IFT80: variants seen among roughly 807,000 people sequenced by gnomAD.
The protein encoded by IFT80 is intraflagellar transport protein 80 homolog.
A neutral mutation model predicts 107.9 loss-of-function variants in IFT80; 79 were observed. That is an observed-to-expected ratio of 0.73 (90% confidence interval 0.61 to 0.88). The LOEUF is 0.88. Ranked by LOEUF, IFT80 falls within the 40% of genes least tolerant of loss-of-function variation. The pLI is 0.00. For synonymous variants in IFT80, 299 were observed against 300.9 expected, an observed-to-expected ratio of 0.99 and a Z score of 0.07; for missense variants, 797 against 914.2, an observed-to-expected ratio of 0.87 and a Z score of 1.65.
At chr3:160,381,473 G>C in intron 3 of IFT80, 30 bp downstream of exon 3, 1 of 1,478,712 alleles carries the variant, frequency 6.8e-7, no homozygotes, top group Non-Finnish European at 9.5e-7. Context: ...AAATACAATG[G>C]CGAGCATATA....
At chr3:160,324,654 C>T (rs1338796457) in intron 8 of IFT80, among the ~76,000 whole-genome samples, 1 of 152,040 alleles carries the variant, frequency 6.6e-6, no homozygotes, top group Non-Finnish European at 1.5e-5. Flanking sequence ...CTATCTATGA[C>T]AAACCCACAG....
chr3:160,355,249 G>GTTAT (rs143392426), intron 8 of IFT80, among the ~76,000 whole-genome samples: 11,800 of 151,982 alleles, frequency 0.078, 649 homozygotes, highest in Non-Finnish European at 0.12. Flanking sequence ...ATGCCCTTTG[G>GTTAT]TTATTTATTT....
rs1314555781 is a variant in IFT80, at chr3:160,312,620, A to AAT, written c.958-4841_958-4840dup. On this transcript the variant is annotated intron_variant, in intron 9 of 19. Coordinates refer to ENST00000326448, the MANE Select transcript of IFT80 (RefSeq NM_020800.3). ...AAATATATATTATATATAAATATATAATATATATATATAATAAATATATAT... is the reference window on the plus strand; with the variant it reads ...AAATATATATTATATATAAATATATAATATATATATATATAATAAATATATAT... Among the ~76,000 whole-genome samples, 352 of 59,178 alleles carry AAT rather than the reference A, an allele frequency of 5.9e-3. 7 individuals carry two copies. The highest frequency in any genetic ancestry group is 8.0e-3 in the Non-Finnish European group (262 of 32,814). The allele number at this position is 59,178 out of a possible 152,430, so 38.8% of individuals were successfully genotyped here.
intron 19 of IFT80, among the ~76,000 whole-genome samples, chr3:160,266,204 T>C (rs192209357): frequency 1.3e-5 from 2 of 152,096 alleles, no homozygotes; most frequent in East Asian, 1.9e-4. Context: ...CATGTTGTTC[T>C]GGTACTCTTA....
chr3:160,302,377 A>C (rs745631443), intron 11 of IFT80, among the ~76,000 whole-genome samples: 2 of 152,054 alleles, frequency 1.3e-5, no homozygotes, highest in Non-Finnish European at 2.9e-5. Flanking sequence ...ATGGTCATAC[A>C]TATTGGTTTA....
chr3:160,289,537 G>A (rs531296643), intron 12 of IFT80, among the ~76,000 whole-genome samples: 1 of 152,096 alleles, frequency 6.6e-6, no homozygotes, highest in Non-Finnish European at 1.5e-5. Flanking sequence ...AAAGAGAAAG[G>A]GGAGAGTCAA....
At position 160,301,653 on chromosome 3, in the gene IFT80, A is replaced by G. The variant is rs143974801; in HGVS notation, c.1152-607T>C. Among the ~76,000 whole-genome samples the G allele has an allele frequency of 7.6e-3, 1,158 of 152,054 alleles. 20 individuals carry two copies. The highest frequency in any genetic ancestry group is 0.027 in the African/African-American group (1,109 of 41,548). On this transcript the variant is annotated intron_variant, in intron 11 of 19. Coordinates refer to ENST00000326448, the MANE Select transcript of IFT80 (RefSeq NM_020800.3). ...ATTTTTTTGCCACAGGGTCAGATTC[A>G]TCTGCTATGCTGACAACCATATTTA...
In IFT80 at chr3:160,357,514, G is replaced by C; in HGVS notation, c.614C>G (p.Ser205Cys). The C allele has an allele frequency of 6.3e-7, 1 of 1,580,710 alleles. No homozygotes were observed. The highest frequency in any genetic ancestry group is 8.7e-7 in the Non-Finnish European group (1 of 1,150,276). The change falls in exon 7 of 20, where the codon TCT (serine) becomes TGT (cysteine). Residue 205 changes from serine to cysteine, a missense_variant. Ser to Cys is a moderately radical substitution (Grantham distance 112). Coordinates refer to ENST00000326448, the MANE Select transcript of IFT80 (RefSeq NM_020800.3). Reference sequence around the variant, plus strand: ...CTTATATTTACAGTCTTCACCAGCAGATAAAATAAGATCATTGACCGAGTT... The same window carrying C: ...CTTATATTTACAGTCTTCACCAGCACATAAAATAAGATCATTGACCGAGTT... ...DWNSVNDLIL[S>C]AGEDCKYKVW...
intron 9 of IFT80, among the ~76,000 whole-genome samples, chr3:160,319,504 A>AT (rs1718050959): frequency 6.6e-6 from 1 of 151,992 alleles, no homozygotes; most frequent in South Asian, 2.1e-4. Context: ...CTGAATCCAC[A>AT]TATTTCCTCC....
intron 18 of IFT80, among the ~76,000 whole-genome samples, chr3:160,276,522 C>G (rs1341962283): frequency 6.6e-6 from 1 of 152,118 alleles, no homozygotes; most frequent in Non-Finnish European, 1.5e-5. Flanking sequence ...TATGTCAATT[C>G]CACAACAAAC....
intron 18 of IFT80, among the ~76,000 whole-genome samples, chr3:160,270,986 A>G (rs1713761811): frequency 6.6e-6 from 1 of 152,196 alleles, no homozygotes; most frequent in Non-Finnish European, 1.5e-5. Context: ...ATGAAACATC[A>G]ATACATTTAA....
intron 2 of IFT80, 173 bp downstream of exon 2, chr3:160,384,391 T>A: frequency 7.9e-7 from 1 of 1,272,482 alleles, no homozygotes; most frequent in Non-Finnish European, 1.0e-6. Flanking sequence ...CGGTTCACTT[T>A]GGAGAATTAC....
intron 6 of IFT80, among the ~76,000 whole-genome samples, chr3:160,358,386 T>C (rs143026840): frequency 1.6e-4 from 24 of 152,214 alleles, no homozygotes; most frequent in Non-Finnish European, 3.4e-4. Context: ...CTGTTCGTCA[T>C]ATTCTTCTAA....
At chr3:160,389,836 G>A (rs1000749891) in intron 1 of IFT80, among the ~76,000 whole-genome samples, 6 of 152,048 alleles carry the variant, frequency 3.9e-5, no homozygotes, top group Non-Finnish European at 8.8e-5. Flanking sequence ...AGTCCTTTGG[G>A]TATATACCCA....
intron 6 of IFT80, among the ~76,000 whole-genome samples, chr3:160,357,995 C>CTTAT (rs142057545): frequency 6.6e-6 from 1 of 152,028 alleles, no homozygotes; most frequent in Admixed American, 6.6e-5. Context: ...TGCTTGTTTA[C>CTTAT]TTATTTATTT....
intron 8 of IFT80, among the ~76,000 whole-genome samples, chr3:160,336,591 ATGTG>A (rs111936021): frequency 6.7e-6 from 1 of 149,448 alleles, no homozygotes. Flanking sequence ...ACATGTGTGT[ATGTG>A]TGTGTGTGTG....
At position 160,396,696 on chromosome 3, in the gene IFT80, TC is replaced by T. The variant is rs1713804051; in HGVS notation, c.-47+2449del. Among the ~76,000 whole-genome samples, 3 of 152,194 alleles carry T rather than the reference TC, an allele frequency of 2.0e-5. No homozygotes were observed. The South Asian group carries it at 6.2e-4, about 31-fold the overall frequency. On this transcript the variant is annotated intron_variant, in intron 1 of 19. Transcript: ENST00000326448. ...ATAAGACCCAGTTATAGCAATACTT[TC>T]CAAAATGACTGTAACCCAGTCTTTT...
chr3:160,317,611 T>C (rs907808301), intron 9 of IFT80, among the ~76,000 whole-genome samples: 2 of 152,140 alleles, frequency 1.3e-5, no homozygotes, highest in African/African-American at 2.4e-5. Flanking sequence ...ATATACAGAA[T>C]ATTATAATGG....
rs545413654 is a variant in IFT80, at chr3:160,397,716, CTTTTTTTTT to C, written c.-47+1421_-47+1429del. Among the ~76,000 whole-genome samples the C allele has an allele frequency of 4.1e-5, 4 of 96,580 alleles. No individual in the cohort carries two copies. The East Asian group carries it at 7.9e-4, about 19-fold the overall frequency. The allele number at this position is 96,580 out of a possible 152,430, so 63.4% of individuals were successfully genotyped here. A position where few individuals can be genotyped will look rare whatever the true frequency, so the allele number is the denominator to read the frequency against. ...AATACACCACTCAATTTGGTCTATA[CTTTTTTTTT>C]TTTTTTTTTTTTTGAGACGCAGTTT... On this transcript the variant is annotated intron_variant, in intron 1 of 19. Transcript: ENST00000326448.
Sources: gnomAD v4.1 joint callset for allele counts (sites outside exome capture counted in the v4.1 genomes callset) on GRCh38, gnomAD v4.1.1 for gene constraint, MANE v1.5 for transcripts, NCBI Gene and HGNC (gene_info 2026-07-23, HGNC 2026-07-21) for gene names.